The following ITGB5 variants were observed in gnomAD, a reference collection of about 807,000 sequenced individuals.
ITGB5 encodes the protein integrin beta-5.
Under a neutral mutation model 84.8 loss-of-function variants are expected in ITGB5, and 38 were observed. That is an observed-to-expected ratio of 0.45 (90% CI 0.35 to 0.59). The LOEUF (loss-of-function observed/expected upper bound fraction) is 0.59, where lower values mean the gene tolerates loss of function less well. ITGB5 is among the 20% of genes least tolerant of loss of function. The pLI is 0.01. For synonymous variants in ITGB5, 393 were observed against 414.4 expected, an observed-to-expected ratio of 0.95 and a Z score of 0.63; for missense variants, 905 against 1,034.5, an observed-to-expected ratio of 0.87 and a Z score of 1.72.
intron 3 of ITGB5, among the ~76,000 whole-genome samples, chr3:124,851,186 A>G (rs548329262): frequency 2.8e-4 from 42 of 152,330 alleles, no homozygotes; most frequent in African/African-American, 9.9e-4. Flanking sequence ...TGGAAGCAGG[A>G]AAGCTGGGTT....
intron 3 of ITGB5, among the ~76,000 whole-genome samples, chr3:124,855,219 A>G (rs2065207236): frequency 6.6e-6 from 1 of 152,176 alleles, no homozygotes; most frequent in South Asian, 2.1e-4. Flanking sequence ...AGGCTAAGGC[A>G]TAAGAATCGC....
intron 10 of ITGB5, among the ~76,000 whole-genome samples, chr3:124,786,596 G>C (rs2064085450): frequency 6.6e-6 from 1 of 152,030 alleles, no homozygotes; most frequent in Non-Finnish European, 1.5e-5. Context: ...CTCTGGGTCA[G>C]AGAACAACAG....
intron 2 of ITGB5, among the ~76,000 whole-genome samples, chr3:124,867,096 T>C (rs946216377): frequency 2.6e-5 from 4 of 152,162 alleles, no homozygotes; most frequent in Non-Finnish European, 4.4e-5. Context: ...ATCCTACTGA[T>C]GCTTCATTGC....
At chr3:124,900,855 C>T (rs953044357) in intron 1 of ITGB5, among the ~76,000 whole-genome samples, 3 of 152,150 alleles carry the variant, frequency 2.0e-5, no homozygotes, top group African/African-American at 7.2e-5. Context: ...ACATTGATTT[C>T]TCTGAACAAT....
chr3:124,870,124 T>C (rs937010971), intron 2 of ITGB5, among the ~76,000 whole-genome samples: 4 of 152,212 alleles, frequency 2.6e-5, no homozygotes, highest in African/African-American at 9.6e-5. Context: ...TTTTCTAACT[T>C]CATGTCTTTT....
intron 12 of ITGB5, 79 bp downstream of exon 12, chr3:124,768,934 C>A: frequency 8.7e-7 from 1 of 1,150,264 alleles, no homozygotes; most frequent in Non-Finnish European, 1.3e-6. Flanking sequence ...GGCAGTGCCT[C>A]CTGACTCAAG....
chr3:124,883,398 A>C (rs1001414385), intron 1 of ITGB5, among the ~76,000 whole-genome samples: 8 of 152,168 alleles, frequency 5.3e-5, no homozygotes, highest in African/African-American at 1.9e-4. Flanking sequence ...CCCCTTTATA[A>C]AAAGCTCCCC....
chr3:124,818,846 TCAGA>T (rs2064651677), intron 7 of ITGB5, among the ~76,000 whole-genome samples: 1 of 152,114 alleles, frequency 6.6e-6, no homozygotes, highest in Non-Finnish European at 1.5e-5. Flanking sequence ...AAAAACACAA[TCAGA>T]CAAAGGTTCT....
chr3:124,816,284 G>A (rs1277964953), intron 8 of ITGB5, among the ~76,000 whole-genome samples: 2 of 152,188 alleles, frequency 1.3e-5, no homozygotes, highest in African/African-American at 2.4e-5. Flanking sequence ...GGGCCACATT[G>A]GAAGATGGAC....
chr3:124,796,524 CT>C lies in ITGB5; in HGVS notation c.1556del (p.Lys519SerfsTer147). 1 of 1,614,154 alleles carries C rather than the reference CT, an allele frequency of 6.2e-7. No individual in the cohort carries two copies. The highest frequency in any genetic ancestry group is 8.5e-7 in the Non-Finnish European group (1 of 1,180,034). On this transcript the variant is annotated frameshift_variant, in exon 10 of 15. Transcript: ENST00000296181. LOFTEE classifies it high-confidence loss of function. ...YQNLCREAEG[K>X]PLCSGRGDCS... is the part of the protein sequence containing the mutation. ...AGTCCCCACGCCCGCTGCACAGTGGCTTGCCCTCTGCCTCCCGGCACAGGTT... is the reference window on the plus strand; with the variant it reads ...AGTCCCCACGCCCGCTGCACAGTGGCTGCCCTCTGCCTCCCGGCACAGGTT...
intron 8 of ITGB5, among the ~76,000 whole-genome samples, chr3:124,811,233 C>T (rs945980176): frequency 2.6e-5 from 4 of 152,108 alleles, no homozygotes; most frequent in African/African-American, 9.7e-5. Flanking sequence ...TTGTGAAGTC[C>T]AAGGGCTGTA....
At chr3:124,901,392 AT>A (rs1328901114) in exon 1 of ITGB5, 1 of 152,164 alleles carries the variant, frequency 6.6e-6, no homozygotes, top group Admixed American at 6.5e-5. Flanking sequence ...CTCTGTCTCG[AT>A]AAAAAGAAAT....
chr3:124,831,808 C>T (rs1227865693), intron 5 of ITGB5, among the ~76,000 whole-genome samples: 4 of 152,154 alleles, frequency 2.6e-5, no homozygotes, highest in Admixed American at 6.5e-5. Context: ...TCACCAGGCA[C>T]ATGTACTCTC....
intron 12 of ITGB5, among the ~76,000 whole-genome samples, chr3:124,766,652 G>T (rs567525064): frequency 6.6e-6 from 1 of 152,164 alleles, no homozygotes; most frequent in African/African-American, 2.4e-5. Context: ...GGGTGGGGAC[G>T]GGTGAAGGGA....
upstream of ITGB5, among the ~76,000 whole-genome samples, chr3:124,891,945 T>A (rs1424744956): frequency 6.7e-6 from 1 of 149,470 alleles, no homozygotes; most frequent in Non-Finnish European, 1.5e-5. Flanking sequence ...AAATAAAAAA[T>A]GAAAAAGAAG....
intron 5 of ITGB5, among the ~76,000 whole-genome samples, chr3:124,835,938 G>A (rs1000935294): frequency 3.9e-5 from 6 of 152,130 alleles, no homozygotes; most frequent in Admixed American, 6.5e-5. Context: ...GCCTGAGCCA[G>A]AAGAGACAAA....
chr3:124,765,388 G>C (rs537264940), intron 13 of ITGB5, among the ~76,000 whole-genome samples: 4 of 152,168 alleles, frequency 2.6e-5, no homozygotes, highest in Non-Finnish European at 5.9e-5. Context: ...CCAGTGCTCC[G>C]TTGTCCTTGG....
intron 10 of ITGB5, chr3:124,787,896 G>T (rs1376949228): frequency 6.7e-6 from 1 of 148,936 alleles, no homozygotes; most frequent in Non-Finnish European, 1.5e-5. Context: ...GTAGTGGCTA[G>T]AAACAGATAG....
At position 124,763,522 on chromosome 3, in the gene ITGB5, T is replaced by C. The variant is rs540417598; in HGVS notation, c.*101A>G. 5.9e-5 allele frequency: 41 copies of C among 691,432 alleles called. No individual in the cohort carries two copies. In the African/African-American group the frequency reaches 6.2e-4, roughly 10 times the overall value. The allele number at this position is 691,432 out of a possible 1,614,324, so 42.8% of individuals were successfully genotyped here. On this transcript the variant is annotated 3_prime_UTR_variant, in exon 15 of 15. Coordinates refer to ENST00000296181, the MANE Select transcript of ITGB5 (RefSeq NM_002213.5). ...GCTCACTAGAAGGTCTTCTCTGTGG[T>C]GCCTACCTAGGGAGCTGTGATCAAG...
Sources: gnomAD v4.1 joint callset for allele counts (sites outside exome capture counted in the v4.1 genomes callset) on GRCh38, gnomAD v4.1.1 for gene constraint, MANE v1.5 for transcripts, NCBI Gene and HGNC (gene_info 2026-07-23, HGNC 2026-07-21) for gene names.